The following SETD5 variants were observed in gnomAD, a reference collection of about 807,000 sequenced individuals.
SETD5 encodes the protein histone-lysine N-methyltransferase SETD5.
In SETD5, 44 loss-of-function variants were observed where a neutral mutation model predicts 153.3. That is an observed-to-expected ratio of 0.29 (90% CI 0.23 to 0.37). The LOEUF is 0.37. Ranked by LOEUF, SETD5 falls within the 10% of genes least tolerant of loss-of-function variation. The pLI, the probability that SETD5 is intolerant of heterozygous loss-of-function variation, is 1.00. For synonymous variants in SETD5, 716 were observed against 645.2 expected (o/e 1.11, Z -1.66); for missense variants, 1,544 against 1,768.0 (o/e 0.87, Z 2.27).
Position 9,475,477 on chromosome 3 carries a change from G to A in SETD5, c.3721-6G>A, listed in dbSNP as rs368766569. The A allele has an allele frequency of 6.4e-5, 102 of 1,602,222 alleles. No homozygotes were observed. In the African/African-American group the frequency reaches 1.2e-3, roughly 19 times the overall value. On this transcript the variant is annotated splice_region_variant and splice_polypyrimidine_tract_variant and intron_variant, in intron 22 of 22. Transcript: ENST00000402198. The stretch of plus-strand genomic sequence containing the variant: ...TCCTTATTCGTTTCCTCCCAACTTT[G>A]TCTAGCTCCTGCAGTGTGATAGTCC...
chr3:9,407,868 C>T lies in SETD5; in HGVS notation c.-177+9891C>T, dbSNP rs559370342. Among the ~76,000 whole-genome samples, 7 of 151,938 alleles carry T rather than the reference C, an allele frequency of 4.6e-5. No individual in the cohort carries two copies. In the East Asian group the frequency reaches 5.8e-4, roughly 13 times the overall value. On this transcript the variant is annotated intron_variant, in intron 1 of 22. Coordinates refer to ENST00000402198, the MANE Select transcript of SETD5 (RefSeq NM_001080517.3). Reference sequence around the variant, plus strand: ...ATAGAAAATTAGCTGGGCGTGGTGGCGCATGCCTATAATCCCAGCTACTCG... The same window carrying T: ...ATAGAAAATTAGCTGGGCGTGGTGGTGCATGCCTATAATCCCAGCTACTCG...
intron 18 of SETD5, among the ~76,000 whole-genome samples, chr3:9,468,036 C>G (rs898586028): frequency 6.6e-6 from 1 of 151,180 alleles, no homozygotes; most frequent in African/African-American, 2.4e-5. Context: ...ACACTAATGT[C>G]TCCCCCTGGA....
Position 9,440,593 on chromosome 3 carries a change from A to G in SETD5, c.705A>G (p.Gln235=), listed in dbSNP as rs2041153049. The G allele has an allele frequency of 2.5e-6, 4 of 1,613,876 alleles. No homozygotes were observed. In the South Asian group the frequency reaches 3.3e-5, roughly 13 times the overall value. The stretch of plus-strand genomic sequence containing the variant: ...CAGATGTACAGAACGCGCTTGAACA[A>G]CACCTACATTCTAGCAAGGAATTTG... ...YSADVQNALE[Q]HLHSSKEFVG... is the part of the protein sequence containing the mutation. Residue 235 remains glutamine, a synonymous_variant, in exon 8 of 23, where the codon CAA becomes CAG. Coordinates refer to ENST00000402198, the MANE Select transcript of SETD5 (RefSeq NM_001080517.3).
At chr3:9,435,243 CAAAAAAAAAAA>C (rs5846637) in intron 6 of SETD5, among the ~76,000 whole-genome samples, 1 of 80,168 alleles carries the variant, frequency 1.2e-5, no homozygotes, top group Non-Finnish European at 2.7e-5. Flanking sequence ...AACTCCCTCT[CAAAAAAAAAAA>C]AAAAAAAAAA....
intron 1 of SETD5, among the ~76,000 whole-genome samples, chr3:9,409,129 C>T (rs2036166394): frequency 6.6e-6 from 1 of 152,086 alleles, no homozygotes; most frequent in South Asian, 2.1e-4. Flanking sequence ...TCATATAACC[C>T]TCTGACAGAA....
intron 17 of SETD5, among the ~76,000 whole-genome samples, chr3:9,459,476 A>C (rs73130117): frequency 0.029 from 4,343 of 152,140 alleles, 200 homozygotes; most frequent in African/African-American, 0.099. Flanking sequence ...ATTTGTAAGA[A>C]TATTAAAAGA....
At chr3:9,412,166 T>C (rs2036661363) in intron 1 of SETD5, among the ~76,000 whole-genome samples, 1 of 152,114 alleles carries the variant, frequency 6.6e-6, no homozygotes, top group African/African-American at 2.4e-5. Context: ...CACCAGATTG[T>C]TCATTAGTTC....
In SETD5 at chr3:9,424,999, C is replaced by G. The variant is rs1183160953; in HGVS notation, c.-117+473C>G. On this transcript the variant is annotated intron_variant, in intron 2 of 22. Coordinates refer to ENST00000402198, the MANE Select transcript of SETD5 (RefSeq NM_001080517.3). ...TGAAACAGTCATGTTAAACTAGACA[C>G]AAGGAAAATGGAATAATTTTTATGA... Among the ~76,000 whole-genome samples, 6 of 144,192 alleles carry G rather than the reference C, an allele frequency of 4.2e-5. No individual in the cohort carries two copies. In the Admixed American group the frequency reaches 4.2e-4, roughly 10 times the overall value. The allele number at this position is 144,192 out of a possible 152,430, so 94.6% of individuals were successfully genotyped here.
intron 1 of SETD5, among the ~76,000 whole-genome samples, chr3:9,416,216 C>G (rs1022030605): frequency 3.3e-5 from 5 of 152,128 alleles, no homozygotes; most frequent in Non-Finnish European, 7.4e-5. Flanking sequence ...TCCAAGTACT[C>G]TAAGAGATTG....
Position 9,428,847 on chromosome 3 carries a change from G to T in SETD5, c.-92G>T. On this transcript the variant is annotated 5_prime_UTR_variant, in exon 3 of 23. Transcript: ENST00000402198. ...GGATTCCTCATGTCCATAACATGTT[G>T]GATGAGGCTCTGCAGCTCACCCCCA... 1.3e-6 allele frequency: 1 copy of T among 760,610 alleles called. No homozygotes were observed. The highest frequency in any genetic ancestry group is 1.9e-5 in the South Asian group (1 of 53,122). The allele number at this position is 760,610 out of a possible 1,614,324, so 47.1% of individuals were successfully genotyped here.
In SETD5 at chr3:9,475,961, A is replaced by T. The variant is rs957150240; in HGVS notation, c.4199A>T (p.Tyr1400Phe). 6.2e-7 allele frequency: 1 copy of T among 1,613,882 alleles called. No individual in the cohort carries two copies. The highest frequency in any genetic ancestry group is 8.5e-7 in the Non-Finnish European group (1 of 1,179,904). Residue 1400 changes from tyrosine to phenylalanine, a missense_variant, in exon 23 of 23, where the codon TAC becomes TTC. Physicochemically the swap from Tyr to Phe is conservative, Grantham distance 22. Transcript: ENST00000402198. ...CCCAGTGCTGGGCAGTCAGCTGTCTACCAGGCCTCCAGGGTATCTGCGGTT... is the reference window on the plus strand; with the variant it reads ...CCCAGTGCTGGGCAGTCAGCTGTCTTCCAGGCCTCCAGGGTATCTGCGGTT... ...SLPSAGQSAVYQASRVSAVSN... is the reference protein window; with the variant it reads ...SLPSAGQSAVFQASRVSAVSN...
intron 17 of SETD5, among the ~76,000 whole-genome samples, chr3:9,460,111 TATC>T (rs2043773672): frequency 6.6e-6 from 1 of 152,092 alleles, no homozygotes; most frequent in East Asian, 1.9e-4. Context: ...GTTAATGTGT[TATC>T]ATGTACAAAT....
intron 1 of SETD5, among the ~76,000 whole-genome samples, chr3:9,413,313 G>A (rs146123532): frequency 2.4e-4 from 37 of 152,286 alleles, no homozygotes; most frequent in African/African-American, 8.7e-4. Context: ...GAAGATTGAG[G>A]AAGCAAATGG....
chr3:9,469,228 T>A (rs76153867), intron 18 of SETD5, among the ~76,000 whole-genome samples: 3 of 152,204 alleles, frequency 2.0e-5, no homozygotes, highest in Non-Finnish European at 4.4e-5. Context: ...ACAAGTGTTA[T>A]CTCTTTAGGA....
At position 9,448,599 on chromosome 3, in the gene SETD5, T is replaced by G. The variant is rs2042275549; in HGVS notation, c.2315T>G (p.Leu772Arg). The G allele has an allele frequency of 6.2e-7, 1 of 1,604,824 alleles. No individual in the cohort carries two copies. Among genetic ancestry groups the G allele is most frequent in the Non-Finnish European group, 8.5e-7 (1 of 1,173,968 alleles). The change falls in exon 16 of 23, where the codon CTG becomes CGG. Residue 772 changes from leucine (L) to arginine (R), a missense_variant. This residue lies in a region of SETD5 where 782 missense variants were observed against 787.2 expected (regional missense o/e 0.99). Transcript: ENST00000402198. ...FIPERRRRPL[L>R]PDGTFSSCKK... ...CCTGAGAGACGTCGAAGGCCCCTTCTGCCTGATGGCACATTCAGCTCCTGT... is the reference window on the plus strand; with the variant it reads ...CCTGAGAGACGTCGAAGGCCCCTTCGGCCTGATGGCACATTCAGCTCCTGT...
intron 1 of SETD5, among the ~76,000 whole-genome samples, chr3:9,408,348 A>G (rs185501468): frequency 1.8e-4 from 28 of 152,282 alleles, no homozygotes; most frequent in African/African-American, 6.7e-4. Context: ...AGGAGTAGGT[A>G]TAGATTTGAT....
At chr3:9,431,665 G>A in intron 3 of SETD5, 2 of 985,646 alleles carry the variant, frequency 2.0e-6, no homozygotes, top group Non-Finnish European at 2.4e-6. Flanking sequence ...CAGTGTGATG[G>A]CCTTTTAACC....
intron 1 of SETD5, among the ~76,000 whole-genome samples, chr3:9,412,405 T>G (rs1028169447): frequency 1.1e-4 from 16 of 142,482 alleles, no homozygotes; most frequent in East Asian, 4.0e-4. Context: ...TTTTTTTTTT[T>G]TTTTTTTTTT....
intron 16 of SETD5, among the ~76,000 whole-genome samples, chr3:9,450,616 C>G (rs934189064): frequency 3.9e-5 from 6 of 152,226 alleles, no homozygotes; most frequent in Non-Finnish European, 5.9e-5. Context: ...AAGGACTTAC[C>G]TAATGCAGAA....
Sources: gnomAD v4.1 joint callset for allele counts (sites outside exome capture counted in the v4.1 genomes callset) on GRCh38, gnomAD v4.1.1 for gene constraint, gnomAD v4.1.1 regional missense constraint, MANE v1.5 for transcripts, NCBI Gene and HGNC (gene_info 2026-07-23, HGNC 2026-07-21) for gene names.